HEATR5A: variants seen among roughly 807,000 people sequenced by gnomAD.
HEATR5A encodes HEAT repeat containing 5A.
Under a neutral mutation model 218.8 loss-of-function variants are expected in HEATR5A, and 178 were observed. The observed-to-expected ratio is 0.81, with a 90% CI of 0.72 to 0.92. The LOEUF is 0.92. Among genes scored for constraint, HEATR5A ranks in the 40% least tolerant of loss-of-function variants. The probability of loss-of-function intolerance (pLI) is 0.00; values close to 1 mark genes in which losing one functional copy is unlikely to be tolerated. For synonymous variants in HEATR5A, 864 were observed against 871.6 expected (o/e 0.99, Z 0.15); for missense variants, 2,420 against 2,418.9 (o/e 1.00, Z -0.01).
rs1416539216 is a variant in HEATR5A, at chr14:31,358,806, G to A, written c.2242C>T (p.Leu748Phe). ...DHRFIEEQLL[L>F]GNGVACGSLE... ...CTTCCGCAAGCAACACCATTACCAA[G>A]CAGGAGCTAAAAGGGAAAAAAAGTA... Residue 748 changes from leucine (L) to phenylalanine (F), a missense_variant, in exon 16 of 36, where the codon CTT becomes TTT. Transcript: ENST00000543095. 1 of 1,613,244 alleles carries A rather than the reference G, an allele frequency of 6.2e-7. No individual in the cohort carries two copies. The highest frequency in any genetic ancestry group is 8.5e-7 in the Non-Finnish European group (1 of 1,179,714).
chr14:31,351,765 C>T lies in HEATR5A; in HGVS notation c.2412-1048G>A, dbSNP rs114528752. 1.2e-3 allele frequency among the ~76,000 whole-genome samples: 189 copies of T among 151,678 alleles called. 1 individual carries two copies. The highest frequency in any genetic ancestry group is 8.3e-3 in the South Asian group (40 of 4,804). On this transcript the variant is annotated intron_variant, in intron 16 of 35. Transcript: ENST00000543095. ...TACCTGGGAGTATAGGAACACATTA[C>T]CCACACCCTGCTAATTTTTTTTTTT...
chr14:31,345,561 G>T (rs774154229), intron 19 of HEATR5A, among the ~76,000 whole-genome samples: 11 of 152,062 alleles, frequency 7.2e-5, no homozygotes, highest in Non-Finnish European at 1.5e-4. Context: ...TCTATAGAAA[G>T]AATGAAAATT....
intron 33 of HEATR5A, among the ~76,000 whole-genome samples, chr14:31,298,220 A>T (rs554823657): frequency 2.0e-5 from 3 of 152,274 alleles, no homozygotes; most frequent in Admixed American, 2.0e-4. Flanking sequence ...CTGGACCCAT[A>T]GAAACTGTCA....
rs760618388 is a variant in HEATR5A, at chr14:31,323,552, C to G, written c.3787+13G>C. 1 of 1,573,928 alleles carries G rather than the reference C, an allele frequency of 6.4e-7. No individual in the cohort carries two copies. The highest frequency in any genetic ancestry group is 8.6e-7 in the Non-Finnish European group (1 of 1,157,404). On this transcript the variant is annotated intron_variant, in intron 24 of 35. Coordinates refer to ENST00000543095, the MANE Select transcript of HEATR5A (RefSeq NM_015473.4). ...CACATATCATTTGGTGTTTTCATCACTATGTCACTTACTTCTTGAATCTCT... is the reference window on the plus strand; with the variant it reads ...CACATATCATTTGGTGTTTTCATCAGTATGTCACTTACTTCTTGAATCTCT...
intron 24 of HEATR5A, among the ~76,000 whole-genome samples, 168 bp downstream of exon 24, chr14:31,323,397 A>G (rs936478135): frequency 2.6e-5 from 4 of 152,150 alleles, no homozygotes; most frequent in Non-Finnish European, 4.4e-5. Context: ...CCTGGGCTCA[A>G]GTGATCCTCC....
At position 31,350,793 on chromosome 14, in the gene HEATR5A, TTTGA is replaced by T. The variant is rs1369479473; in HGVS notation, c.2412-80_2412-77del. The T allele has an allele frequency of 1.6e-5, 6 of 386,984 alleles. No individual in the cohort carries two copies. In the Admixed American group the frequency reaches 2.2e-4, roughly 14 times the overall value. 24.0% of individuals were successfully genotyped at this position (386,984 alleles called of 1,614,324 possible). ...GTTTGTTTGTTTGTTTGTTTGTTTGTTTGAGACGGAGTCTCACTCTGTCACCCAG... is the reference window on the plus strand; with the variant it reads ...GTTTGTTTGTTTGTTTGTTTGTTTGTGACGGAGTCTCACTCTGTCACCCAG... On this transcript the variant is annotated intron_variant, in intron 16 of 35. Coordinates refer to ENST00000543095, the MANE Select transcript of HEATR5A (RefSeq NM_015473.4).
intron 19 of HEATR5A, 67 bp from the exon 20 acceptor site, chr14:31,345,343 T>C: frequency 1.6e-6 from 2 of 1,234,184 alleles, no homozygotes; most frequent in South Asian, 2.8e-5. Context: ...ATAAATTAAC[T>C]TGTTCTTTTG....
intron 13 of HEATR5A, among the ~76,000 whole-genome samples, chr14:31,365,815 C>A (rs1901782724): frequency 1.3e-5 from 2 of 151,824 alleles, no homozygotes; most frequent in Admixed American, 6.6e-5. Context: ...CAGGTGTGGG[C>A]CATCATGTCT....
chr14:31,349,449 C>T (rs1252037624), intron 18 of HEATR5A, among the ~76,000 whole-genome samples: 1 of 151,074 alleles, frequency 6.6e-6, no homozygotes, highest in Non-Finnish European at 1.5e-5. Flanking sequence ...TTTTCTTTTT[C>T]CTGTAGTTTG....
At chr14:31,320,824 A>G (rs1399881247) in intron 25 of HEATR5A, among the ~76,000 whole-genome samples, 1 of 152,166 alleles carries the variant, frequency 6.6e-6, no homozygotes, top group Non-Finnish European at 1.5e-5. Context: ...TTCTGGGCTC[A>G]AGTGATCTTC....
chr14:31,326,824 T>A (rs955656625), intron 22 of HEATR5A, among the ~76,000 whole-genome samples: 11 of 151,892 alleles, frequency 7.2e-5, no homozygotes, highest in Admixed American at 6.6e-4. Flanking sequence ...TTTTTATTTT[T>A]AGTAGAGATG....
At chr14:31,365,703 C>T (rs1231746795) in intron 13 of HEATR5A, among the ~76,000 whole-genome samples, 7 of 149,958 alleles carry the variant, frequency 4.7e-5, no homozygotes, top group Non-Finnish European at 7.4e-5. Flanking sequence ...CTTGCTCTGT[C>T]GCCCAGGCTG....
intron 28 of HEATR5A, among the ~76,000 whole-genome samples, chr14:31,310,235 A>G (rs954344153): frequency 2.0e-5 from 3 of 151,094 alleles, no homozygotes; most frequent in African/African-American, 7.3e-5. Flanking sequence ...GGGTTTCACT[A>G]TGTTGTCCAG....
intron 7 of HEATR5A, among the ~76,000 whole-genome samples, chr14:31,387,997 C>T (rs541082876): frequency 9.9e-5 from 15 of 152,214 alleles, no homozygotes; most frequent in African/African-American, 3.1e-4. Flanking sequence ...ACAACGGCTC[C>T]GAGAGATTTA....
chr14:31,419,543 C>T (rs545626346), intron 1 of HEATR5A, among the ~76,000 whole-genome samples: 5 of 152,296 alleles, frequency 3.3e-5, no homozygotes, highest in South Asian at 4.1e-4. Context: ...CTTCTAATAT[C>T]TTTCAGGCTG....
chr14:31,358,438 T>A (rs890580571), intron 16 of HEATR5A, among the ~76,000 whole-genome samples, 199 bp downstream of exon 16: 24 of 152,360 alleles, frequency 1.6e-4, no homozygotes, highest in African/African-American at 5.0e-4. Flanking sequence ...AAGTATTGTA[T>A]CCACAACAGT....
intron 11 of HEATR5A, among the ~76,000 whole-genome samples, chr14:31,378,520 G>C (rs924604837): frequency 2.0e-4 from 30 of 152,136 alleles, no homozygotes; most frequent in Non-Finnish European, 3.5e-4. Flanking sequence ...AGGTGCGGTG[G>C]CTCACGCCTG....
chr14:31,296,011 T>C lies in HEATR5A; in HGVS notation c.5517A>G (p.Thr1839=), dbSNP rs1224618824. The C allele has an allele frequency of 6.2e-6, 10 of 1,613,408 alleles. No homozygotes were observed. Among genetic ancestry groups the C allele is most frequent in the East Asian group, 2.2e-5 (1 of 44,830 alleles). ...CTGGACTGGTAGACAAAATAAACAC[T>C]GTGATAGCAGTAAGTAGACTGACTT... The part of the protein sequence containing the change: ...LDEVSLLTAI[T]VFILSTSPEV... The change falls in exon 34 of 36, where the codon ACA becomes ACG. Residue 1839 remains threonine, a synonymous_variant. Transcript: ENST00000543095.
At chr14:31,365,657 C>A (rs531182245) in intron 13 of HEATR5A, among the ~76,000 whole-genome samples, 1 of 151,288 alleles carries the variant, frequency 6.6e-6, no homozygotes, top group Non-Finnish European at 1.5e-5. Context: ...CCATGCCCAG[C>A]GTGTACTTTT....
Sources: allele counts gnomAD v4.1 joint callset (sites outside exome capture counted in the v4.1 genomes callset), GRCh38; gene constraint gnomAD v4.1.1; transcripts MANE v1.5; gene names NCBI Gene and HGNC (gene_info 2026-07-23, HGNC 2026-07-21).